PGBD4: variants seen among roughly 807,000 people sequenced by gnomAD.
The protein encoded by PGBD4 is piggyBac transposable element derived 4.
A neutral mutation model predicts 0.3 loss-of-function variants in PGBD4; 1 was observed. That is an observed-to-expected ratio of 3.72 (90% confidence interval 1.32 to 17.64). The LOEUF (loss-of-function observed/expected upper bound fraction) is 17.64, where lower values mean the gene tolerates loss of function less well. Among genes scored for constraint, PGBD4 ranks in the 30% most tolerant of loss-of-function variants. The pLI is 0.11. For missense variants in PGBD4, 624 were observed against 719.7 expected (o/e 0.87, Z 1.52); for synonymous variants, 253 against 267.7 (o/e 0.95, Z 0.54).
Position 34,105,326 on chromosome 15 carries a change from T to G in PGBD4, c.*1037T>G, listed in dbSNP as rs1887745098. ...GCATCATTTGCTCCAGTCCTTTCAT[T>G]TTCTTTATGGTGGAAAGTGAAGTGA... On this transcript the variant is annotated 3_prime_UTR_variant, in exon 1 of 1. Coordinates refer to ENST00000397766, the MANE Select transcript of PGBD4 (RefSeq NM_152595.5). 1 of 167,130 alleles carries G rather than the reference T, an allele frequency of 6.0e-6. No individual in the cohort carries two copies. Among genetic ancestry groups the G allele is most frequent in the Non-Finnish European group, 1.5e-5 (1 of 68,152 alleles). The allele number at this position is 167,130 out of a possible 1,614,324, so 10.4% of individuals were successfully genotyped here.
At position 34,107,122 on chromosome 15, in the gene PGBD4, C is replaced by T. The variant is rs1887774481; in HGVS notation, c.*2833C>T. 6.6e-6 allele frequency: 1 copy of T among 150,988 alleles called. No homozygotes were observed. Among genetic ancestry groups the T allele is most frequent in the Admixed American group, 6.6e-5 (1 of 15,114 alleles). 9.4% of individuals were successfully genotyped at this position (150,988 alleles called of 1,614,324 possible). A position where few individuals can be genotyped will look rare whatever the true frequency, so the allele number is the denominator to read the frequency against. ...GAAATAAATTGTTTAATATAAAATA[C>T]ACTAATATATAATAATGTATTACCT... On this transcript the variant is annotated 3_prime_UTR_variant, in exon 1 of 1. Coordinates refer to ENST00000397766, the MANE Select transcript of PGBD4 (RefSeq NM_152595.5).
In PGBD4 at chr15:34,105,435, GC is replaced by G. The variant is rs1366868584; in HGVS notation, c.*1147del. ...AGAGCAATGCATGTTTTAGCCTTGT[GC>G]ACTCTTAGAGTCAGCATCATGGGAA... On this transcript the variant is annotated 3_prime_UTR_variant, in exon 1 of 1. Coordinates refer to ENST00000397766, the MANE Select transcript of PGBD4 (RefSeq NM_152595.5). 2.4e-5 allele frequency: 4 copies of G among 167,016 alleles called. No individual in the cohort carries two copies. The highest frequency in any genetic ancestry group is 2.0e-4 in the Admixed American group (3 of 15,272). 10.3% of individuals were successfully genotyped at this position (167,016 alleles called of 1,614,324 possible). A position where few individuals can be genotyped will look rare whatever the true frequency, so the allele number is the denominator to read the frequency against.
rs1887780506 is a variant in PGBD4 at position 34,107,477 on chromosome 15, A to C, written c.*3188A>C. ...TAGTAGAAAGTAGAATTGCTAGATC[A>C]AAGAGTATGTGCCTTTGTAATTTTG... On this transcript the variant is annotated 3_prime_UTR_variant, in exon 1 of 1. Coordinates refer to ENST00000397766, the MANE Select transcript of PGBD4 (RefSeq NM_152595.5). The C allele has an allele frequency of 6.6e-6, 1 of 152,218 alleles. No individual in the cohort carries two copies. Among genetic ancestry groups the C allele is most frequent in the Non-Finnish European group, 1.5e-5 (1 of 68,052 alleles). 9.4% of individuals were successfully genotyped at this position (152,218 alleles called of 1,614,324 possible). A position where few individuals can be genotyped will look rare whatever the true frequency, so the allele number is the denominator to read the frequency against.
Position 34,106,074 on chromosome 15 carries a change from C to G in PGBD4, c.*1785C>G, listed in dbSNP as rs917345541. On this transcript the variant is annotated 3_prime_UTR_variant, in exon 1 of 1. Coordinates refer to ENST00000397766, the MANE Select transcript of PGBD4 (RefSeq NM_152595.5). The stretch of plus-strand genomic sequence containing the variant: ...TGAACAGACTGCTGAGATACCCAAT[C>G]AAGAGCCAATCCTTGCTTCCCTAGA... 8 of 167,134 alleles carry G rather than the reference C, an allele frequency of 4.8e-5. No homozygotes were observed. The highest frequency in any genetic ancestry group is 1.2e-4 in the Non-Finnish European group (8 of 68,166). 10.4% of individuals were successfully genotyped at this position (167,134 alleles called of 1,614,324 possible).
chr15:34,104,549 G>T lies in PGBD4; in HGVS notation c.*260G>T, dbSNP rs892331605. The stretch of plus-strand genomic sequence containing the variant: ...ACCCATGAGGCGGAGGTTGCAGTGA[G>T]CTGAGATCACACCACTGCACTCCAG... On this transcript the variant is annotated 3_prime_UTR_variant, in exon 1 of 1. Transcript: ENST00000397766. 2.1e-6 allele frequency: 1 copy of T among 471,910 alleles called. No homozygotes were observed. The highest frequency in any genetic ancestry group is 2.0e-5 in the African/African-American group (1 of 50,706). The allele number at this position is 471,910 out of a possible 1,614,324, so 29.2% of individuals were successfully genotyped here.
chr15:34,102,770 T>C lies in PGBD4; in HGVS notation c.239T>C (p.Met80Thr), dbSNP rs201334800. 2.3e-5 allele frequency: 37 copies of C among 1,614,198 alleles called. No homozygotes were observed. Among genetic ancestry groups the C allele is most frequent in the Non-Finnish European group, 2.8e-5 (33 of 1,180,030 alleles). Residue 80 changes from methionine to threonine, a missense_variant, in exon 1 of 1, where the codon ATG becomes ACG. Transcript: ENST00000397766. The surrounding 1 kb of genome is among the most constrained non-coding windows in gnomAD (Gnocchi z 4.7). ...GRSMKWSARAMIPRQRYDFTG... is the reference protein window; with the variant it reads ...GRSMKWSARATIPRQRYDFTG... ...TCCATGAAATGGTCAGCTCGTGCTATGATTCCACGTCAAAGGTATGACTTT... is the reference window on the plus strand; with the variant it reads ...TCCATGAAATGGTCAGCTCGTGCTACGATTCCACGTCAAAGGTATGACTTT...
chr15:34,104,368 C>A lies in PGBD4; in HGVS notation c.*79C>A, dbSNP rs143215981. 6.8e-7 allele frequency: 1 copy of A among 1,462,850 alleles called. No homozygotes were observed. Among genetic ancestry groups the A allele is most frequent in the East Asian group, 2.3e-5 (1 of 42,892 alleles). 90.6% of individuals were successfully genotyped at this position (1,462,850 alleles called of 1,614,324 possible). On this transcript the variant is annotated 3_prime_UTR_variant, in exon 1 of 1. Transcript: ENST00000397766. Reference sequence around the variant, plus strand: ...AGAAATAACTCCAAGATTGGGAGGCCGACCTGGGTGGATCACCTGAGATCA... The same window carrying A: ...AGAAATAACTCCAAGATTGGGAGGCAGACCTGGGTGGATCACCTGAGATCA...
In PGBD4 at chr15:34,102,401, C is replaced by G; in HGVS notation, c.-131C>G. 1 of 1,364,774 alleles carries G rather than the reference C, an allele frequency of 7.3e-7. No individual in the cohort carries two copies. Among genetic ancestry groups the G allele is most frequent in the Non-Finnish European group, 9.5e-7 (1 of 1,047,712 alleles). The allele number at this position is 1,364,774 out of a possible 1,614,324, so 84.5% of individuals were successfully genotyped here. A position where few individuals can be genotyped will look rare whatever the true frequency, so the allele number is the denominator to read the frequency against. On this transcript the variant is annotated 5_prime_UTR_variant, in exon 1 of 1. It adds an upstream start codon to the 5' untranslated region. Coordinates refer to ENST00000397766, the MANE Select transcript of PGBD4 (RefSeq NM_152595.5). The surrounding 1 kb of genome is among the most constrained non-coding windows in gnomAD (Gnocchi z 4.7). ...ACTCCCAAAGTTTGCCACGAAATAT[C>G]TCGCTTCTGTTATTTTCGCATGGTT...
Position 34,102,420 on chromosome 15 carries a change from C to A in PGBD4, c.-112C>A. On this transcript the variant is annotated 5_prime_UTR_variant, in exon 1 of 1. Transcript: ENST00000397766. The surrounding 1 kb of genome is among the most constrained non-coding windows in gnomAD (Gnocchi z 4.7). Reference sequence around the variant, plus strand: ...AAATATCTCGCTTCTGTTATTTTCGCATGGTTCTGGTATATTGACTTTTGA... The same window carrying A: ...AAATATCTCGCTTCTGTTATTTTCGAATGGTTCTGGTATATTGACTTTTGA... 7.2e-7 allele frequency: 1 copy of A among 1,389,724 alleles called. No homozygotes were observed. The highest frequency in any genetic ancestry group is 2.6e-5 in the East Asian group (1 of 38,408). 86.1% of individuals were successfully genotyped at this position (1,389,724 alleles called of 1,614,324 possible). A position where few individuals can be genotyped will look rare whatever the true frequency, so the allele number is the denominator to read the frequency against.
At position 34,102,176 on chromosome 15, in the gene PGBD4, G is replaced by A. The variant is rs958208704; in HGVS notation, c.-356G>A. 6 of 455,372 alleles carry A rather than the reference G, an allele frequency of 1.3e-5. No homozygotes were observed. The highest frequency in any genetic ancestry group is 2.3e-5 in the Non-Finnish European group (6 of 258,650). 28.2% of individuals were successfully genotyped at this position (455,372 alleles called of 1,614,324 possible). A position where few individuals can be genotyped will look rare whatever the true frequency, so the allele number is the denominator to read the frequency against. Reference sequence around the variant, plus strand: ...GGACCTCACGGGAGTAAAAGATGACGAGACTGGCTTCGGGAGAAACACCAT... The same window carrying A: ...GGACCTCACGGGAGTAAAAGATGACAAGACTGGCTTCGGGAGAAACACCAT... On this transcript the variant is annotated 5_prime_UTR_variant, in exon 1 of 1. Transcript: ENST00000397766. This position sits in a 1 kb window ranked among gnomAD's most constrained non-coding sequence, Gnocchi z 4.7.
rs1454235504 is a variant in PGBD4, at chr15:34,102,876, A to G, written c.345A>G (p.Glu115=). 1 of 1,614,200 alleles carries G rather than the reference A, an allele frequency of 6.2e-7. No homozygotes were observed. Among genetic ancestry groups the G allele is most frequent in the East Asian group, 2.2e-5 (1 of 44,882 alleles). The change falls in exon 1 of 1, where the codon GAA becomes GAG. Residue 115 remains glutamate (E), a synonymous_variant. Transcript: ENST00000397766. The surrounding 1 kb of genome is among the most constrained non-coding windows in gnomAD (Gnocchi z 4.7). ...ATTTTGAACTGTTCTTTACTGAGGAATTAGTTTCAAAAATTACTAGAGAAA... is the reference window on the plus strand; with the variant it reads ...ATTTTGAACTGTTCTTTACTGAGGAGTTAGTTTCAAAAATTACTAGAGAAA... ...LQYFELFFTE[E]LVSKITRETN... is the part of the protein sequence containing the mutation.
Position 34,103,229 on chromosome 15 carries a change from T to C in PGBD4, c.698T>C (p.Leu233Pro). The C allele has an allele frequency of 6.2e-7, 1 of 1,614,204 alleles. No individual in the cohort carries two copies. Among genetic ancestry groups the C allele is most frequent in the Non-Finnish European group, 8.5e-7 (1 of 1,180,050 alleles). Residue 233 changes from leucine to proline, a missense_variant, in exon 1 of 1, where the codon CTT (leucine) becomes CCT (proline). Physicochemically the swap from Leu to Pro is moderately conservative, Grantham distance 98. Transcript: ENST00000397766. This position sits in a 1 kb window ranked among gnomAD's most constrained non-coding sequence, Gnocchi z 4.6. The stretch of plus-strand genomic sequence containing the variant: ...AAGATCAAACCTGTGTTCGACTTTC[T>C]TGTAAATAAATTTTCCACTGTATAT... ...LQKIKPVFDF[L>P]VNKFSTVYTP...
chr15:34,104,111 G>A lies in PGBD4; in HGVS notation c.1580G>A (p.Ser527Asn), dbSNP rs1323424359. The A allele has an allele frequency of 6.2e-7, 1 of 1,614,192 alleles. No individual in the cohort carries two copies. Among genetic ancestry groups the A allele is most frequent in the East Asian group, 2.2e-5 (1 of 44,892 alleles). ...CTGTCTGGAAGACATTTCCCCAAGA[G>A]CATACCAGCAACGTCCGGGAAACAG... ...LRLSGRHFPK[S>N]IPATSGKQNP... The change falls in exon 1 of 1, where the codon AGC (serine) becomes AAC (asparagine). Residue 527 changes from serine (S) to asparagine (N), a missense_variant. Coordinates refer to ENST00000397766, the MANE Select transcript of PGBD4 (RefSeq NM_152595.5).
At position 34,103,626 on chromosome 15, in the gene PGBD4, GA is replaced by G; in HGVS notation, c.1102del (p.Arg368GlyfsTer8). ...LNRKQIPNDLKKRIAKGTTVA... is the reference protein window; with the variant it reads ...LNRKQIPNDLXKRIAKGTTVA... The stretch of plus-strand genomic sequence containing the variant: ...ACAGAAAACAGATTCCAAATGATCT[GA>G]AAAAAAGGATTGCAAAGGGGACGAC... On this transcript the variant is annotated frameshift_variant, in exon 1 of 1. Transcript: ENST00000397766. LOFTEE classifies it low-confidence loss of function (END_TRUNC). This position sits in a 1 kb window ranked among gnomAD's most constrained non-coding sequence, Gnocchi z 4.6. 1.2e-6 allele frequency: 2 copies of G among 1,613,706 alleles called. No homozygotes were observed.
chr15:34,104,227 T>C lies in PGBD4; in HGVS notation c.1696T>C (p.Cys566Arg). ...AGAAACGCGCTATTTTTGTGCCGAA[T>C]GTGATGTTCCGCTTTGTGTTGTTCC... ...RKETRYFCAECDVPLCVVPCF... is the reference protein window; with the variant it reads ...RKETRYFCAERDVPLCVVPCF... Residue 566 changes from cysteine to arginine, a missense_variant, in exon 1 of 1, where the codon TGT becomes CGT. Physicochemically the swap from Cys to Arg is radical, Grantham distance 180. Coordinates refer to ENST00000397766, the MANE Select transcript of PGBD4 (RefSeq NM_152595.5). 1 of 1,614,230 alleles carries C rather than the reference T, an allele frequency of 6.2e-7. No individual in the cohort carries two copies. Among genetic ancestry groups the C allele is most frequent in the Non-Finnish European group, 8.5e-7 (1 of 1,180,054 alleles).
At position 34,104,027 on chromosome 15, in the gene PGBD4, A is replaced by AG; in HGVS notation, c.1497dup (p.Pro500AlafsTer14). ...GAAAGAATGCTGGAAAAGCATCACA[A>AG]GCCAGGGCAGCAACATCTTCGAGGT... On this transcript the variant is annotated frameshift_variant, in exon 1 of 1. Coordinates refer to ENST00000397766, the MANE Select transcript of PGBD4 (RefSeq NM_152595.5). LOFTEE classifies it low-confidence loss of function (END_TRUNC). The AG allele has an allele frequency of 7.4e-6, 12 of 1,614,194 alleles. No homozygotes were observed. The highest frequency in any genetic ancestry group is 1.0e-5 in the Non-Finnish European group (12 of 1,180,022).
rs1248891107 is a variant in PGBD4, at chr15:34,104,339, G to GT, written c.*53dup. 1.3e-6 allele frequency: 2 copies of GT among 1,550,248 alleles called. No individual in the cohort carries two copies. The highest frequency in any genetic ancestry group is 1.7e-6 in the Non-Finnish European group (2 of 1,148,626). On this transcript the variant is annotated 3_prime_UTR_variant, in exon 1 of 1. Transcript: ENST00000397766. The stretch of plus-strand genomic sequence containing the variant: ...TCCATTAGGATTAGAGACAAGTTCT[G>GT]TTTAGAAATAACTCCAAGATTGGGA...
chr15:34,105,423 T>C lies in PGBD4; in HGVS notation c.*1134T>C, dbSNP rs1887746179. ...AGATTCCTATTGAGAGCAATGCATG[T>C]TTTAGCCTTGTGCACTCTTAGAGTC... is the stretch of plus-strand genomic sequence containing the variant. On this transcript the variant is annotated 3_prime_UTR_variant, in exon 1 of 1. Coordinates refer to ENST00000397766, the MANE Select transcript of PGBD4 (RefSeq NM_152595.5). The C allele has an allele frequency of 6.0e-6, 1 of 167,074 alleles. No individual in the cohort carries two copies. Among genetic ancestry groups the C allele is most frequent in the Non-Finnish European group, 1.5e-5 (1 of 68,122 alleles). The allele number at this position is 167,074 out of a possible 1,614,324, so 10.3% of individuals were successfully genotyped here. A position where few individuals can be genotyped will look rare whatever the true frequency, so the allele number is the denominator to read the frequency against.
rs1483172425 is a variant in PGBD4, at chr15:34,105,615, G to T, written c.*1326G>T. On this transcript the variant is annotated 3_prime_UTR_variant, in exon 1 of 1. Coordinates refer to ENST00000397766, the MANE Select transcript of PGBD4 (RefSeq NM_152595.5). Reference sequence around the variant, plus strand: ...TACTTGCCTTCATCTTTTTTCTGAAGATAGTTACTTCTTCATATTTGATCA... The same window carrying T: ...TACTTGCCTTCATCTTTTTTCTGAATATAGTTACTTCTTCATATTTGATCA... 3.6e-5 allele frequency: 6 copies of T among 167,012 alleles called. No homozygotes were observed. In the East Asian group the frequency reaches 5.8e-4, roughly 16 times the overall value. The allele number at this position is 167,012 out of a possible 1,614,324, so 10.3% of individuals were successfully genotyped here. A position where few individuals can be genotyped will look rare whatever the true frequency, so the allele number is the denominator to read the frequency against.
Sources: allele counts gnomAD v4.1 joint callset, GRCh38; gene constraint gnomAD v4.1.1; non-coding constraint Gnocchi (gnomAD v3.1); transcripts MANE v1.5; gene names NCBI Gene and HGNC (gene_info 2026-07-23, HGNC 2026-07-21).